TMEM135: variants seen among roughly 807,000 people sequenced by gnomAD.
TMEM135 encodes peroxisomal membrane protein 52.
Under a neutral mutation model 60.3 loss-of-function variants are expected in TMEM135, and 30 were observed. The ratio of observed to expected loss-of-function variants is 0.50; its 90% CI spans 0.37 to 0.68. The LOEUF (loss-of-function observed/expected upper bound fraction) is 0.68, where lower values mean the gene tolerates loss of function less well. Among genes scored for constraint, TMEM135 ranks in the 30% least tolerant of loss-of-function variants. TMEM135 has a pLI of 0.00. For synonymous variants in TMEM135, 190 were observed against 186.7 expected, an observed-to-expected ratio of 1.02 and a Z score of -0.14; for missense variants, 468 against 548.8, an observed-to-expected ratio of 0.85 and a Z score of 1.47.
At chr11:87,280,135 A>C (rs1182626946) in intron 6 of TMEM135, among the ~76,000 whole-genome samples, 1 of 152,250 alleles carries the variant, frequency 6.6e-6, no homozygotes, top group Non-Finnish European at 1.5e-5. Context: ...TAATCTTTTA[A>C]AATAAAGAAC....
intron 4 of TMEM135, among the ~76,000 whole-genome samples, chr11:87,141,538 T>G (rs1229510172): frequency 1.3e-5 from 2 of 152,168 alleles, no homozygotes; most frequent in Non-Finnish European, 2.9e-5. Flanking sequence ...AAAGTTTTAT[T>G]GCTTCTTTCC....
intron 6 of TMEM135, among the ~76,000 whole-genome samples, chr11:87,282,275 T>C (rs1942074539): frequency 6.6e-6 from 1 of 152,064 alleles, no homozygotes; most frequent in Admixed American, 6.6e-5. Context: ...TTTTGCCTTT[T>C]CTTTTTGAGT....
intron 6 of TMEM135, chr11:87,259,149 G>T (rs192188924): frequency 1.4e-4 from 91 of 665,970 alleles, no homozygotes; most frequent in Admixed American, 4.5e-4. Flanking sequence ...CTCCGACCAG[G>T]TCTCATCTAG....
chr11:87,271,599 A>G (rs1941864126), intron 6 of TMEM135, among the ~76,000 whole-genome samples: 1 of 152,156 alleles, frequency 6.6e-6, no homozygotes, highest in South Asian at 2.1e-4. Flanking sequence ...ATTTGTTTAC[A>G]TGATAATATC....
chr11:87,107,822 T>C (rs1267938986), intron 4 of TMEM135, among the ~76,000 whole-genome samples: 1 of 152,178 alleles, frequency 6.6e-6, no homozygotes, highest in Non-Finnish European at 1.5e-5. Flanking sequence ...TTCTAGATCC[T>C]TGAGGAATCA....
rs1942924757 is a variant in TMEM135, at chr11:87,327,113, C to T, written c.*5780C>T. 1 of 453,858 alleles carries T rather than the reference C, an allele frequency of 2.2e-6. No individual in the cohort carries two copies. Among genetic ancestry groups the T allele is most frequent in the African/African-American group, 2.0e-5 (1 of 49,960 alleles). The allele number at this position is 453,858 out of a possible 1,614,324, so 28.1% of individuals were successfully genotyped here. The stretch of plus-strand genomic sequence containing the variant: ...AGGCCTTTCATGTCTTTCCTTTCTT[C>T]TTGTCCAGATACTTTTCCAACCAGC... On this transcript the variant is annotated 3_prime_UTR_variant, in exon 15 of 15. Transcript: ENST00000305494.
At chr11:87,239,477 A>G (rs1941082369) in intron 6 of TMEM135, among the ~76,000 whole-genome samples, 1 of 152,022 alleles carries the variant, frequency 6.6e-6, no homozygotes, top group African/African-American at 2.4e-5. Context: ...GCATTTGAAT[A>G]TTTTATTTTA....
chr11:87,328,434 T>A lies in TMEM135; in HGVS notation c.*7101T>A, dbSNP rs1374484205. On this transcript the variant is annotated 3_prime_UTR_variant, in exon 15 of 15. Transcript: ENST00000305494. ...ATGGATGAATTGTATATTGGTGAAG[T>A]CTGAAATTTTAGTGCACCTGTCACC... 1 of 454,102 alleles carries A rather than the reference T, an allele frequency of 2.2e-6. No homozygotes were observed. The highest frequency in any genetic ancestry group is 4.4e-6 in the Non-Finnish European group (1 of 226,790). 28.1% of individuals were successfully genotyped at this position (454,102 alleles called of 1,614,324 possible).
chr11:87,226,932 C>A (rs531788462), intron 5 of TMEM135, among the ~76,000 whole-genome samples: 22 of 152,148 alleles, frequency 1.4e-4, no homozygotes, highest in African/African-American at 5.3e-4. Context: ...GCCTATAATC[C>A]CAGCTGCTAG....
At chr11:87,291,310 C>T (rs529276301) in intron 6 of TMEM135, among the ~76,000 whole-genome samples, 10 of 152,166 alleles carry the variant, frequency 6.6e-5, no homozygotes, top group Admixed American at 2.0e-4. Context: ...ATTATCCTTC[C>T]GTTTGATCAA....
At chr11:87,167,352 A>G (rs36169616) in intron 5 of TMEM135, among the ~76,000 whole-genome samples, 1 of 152,094 alleles carries the variant, frequency 6.6e-6, no homozygotes, top group African/African-American at 2.4e-5. Flanking sequence ...GTTGAATAGG[A>G]GTGGTGAGAG....
chr11:87,072,196 A>G (rs1401250469), intron 3 of TMEM135, among the ~76,000 whole-genome samples: 1 of 152,176 alleles, frequency 6.6e-6, no homozygotes, highest in Non-Finnish European at 1.5e-5. Flanking sequence ...TCCTGTCTCA[A>G]AAAACAAGCA....
intron 4 of TMEM135, among the ~76,000 whole-genome samples, chr11:87,124,702 G>C (rs1255624955): frequency 1.3e-5 from 2 of 152,018 alleles, no homozygotes; most frequent in Non-Finnish European, 2.9e-5. Flanking sequence ...TCTATGTTAG[G>C]TTATATTCTC....
chr11:87,087,897 C>T (rs1401200902), intron 3 of TMEM135, among the ~76,000 whole-genome samples: 4 of 152,032 alleles, frequency 2.6e-5, no homozygotes, highest in African/African-American at 7.2e-5. Context: ...CCACCACGCC[C>T]AGCTAATTTT....
chr11:87,085,421 T>C (rs577779547), intron 3 of TMEM135, among the ~76,000 whole-genome samples: 1 of 152,290 alleles, frequency 6.6e-6, no homozygotes, highest in Admixed American at 6.5e-5. Context: ...TAGAAGCCTG[T>C]TAGGATGCCA....
chr11:87,267,005 A>G (rs968944582), intron 6 of TMEM135, among the ~76,000 whole-genome samples: 2 of 152,146 alleles, frequency 1.3e-5, no homozygotes, highest in Non-Finnish European at 2.9e-5. Flanking sequence ...CTGAGGAGAA[A>G]GGAGCTTAAG....
chr11:87,180,810 A>G (rs977125671), intron 5 of TMEM135, among the ~76,000 whole-genome samples: 1 of 152,216 alleles, frequency 6.6e-6, no homozygotes, highest in African/African-American at 2.4e-5. Flanking sequence ...AACGAAAACA[A>G]AAACAAATCC....
intron 1 of TMEM135, among the ~76,000 whole-genome samples, chr11:87,058,298 G>T (rs990437580): frequency 1.3e-5 from 2 of 151,538 alleles, no homozygotes; most frequent in African/African-American, 4.9e-5. Flanking sequence ...AGAAAAATTT[G>T]TTTGTTACAA....
At chr11:87,303,843 G>A (rs1942489213) in intron 8 of TMEM135, among the ~76,000 whole-genome samples, 1 of 152,212 alleles carries the variant, frequency 6.6e-6, no homozygotes, top group South Asian at 2.1e-4. Context: ...GGGGAATGCA[G>A]AGAATGAATT....
Sources: allele counts gnomAD v4.1 joint callset (sites outside exome capture counted in the v4.1 genomes callset), GRCh38; gene constraint gnomAD v4.1.1; transcripts MANE v1.5; gene names NCBI Gene and HGNC (gene_info 2026-07-23, HGNC 2026-07-21).